Variants in GPC3 observed in about 807,000 individuals in gnomAD.
GPC3 encodes the protein glypican 3.
A neutral mutation model predicts 34.4 loss-of-function variants in GPC3; 3 were observed. The observed-to-expected ratio is 0.09, with a 90% CI of 0.04 to 0.23. The LOEUF is 0.23. GPC3 is among the 10% of genes least tolerant of loss of function. GPC3 has a pLI of 1.00. For missense variants in GPC3, 351 were observed against 445.6 expected, an observed-to-expected ratio of 0.79 and a Z score of 1.91; for synonymous variants, 177 against 174.0, an observed-to-expected ratio of 1.02 and a Z score of -0.13.
intron 2 of GPC3, among the ~76,000 whole-genome samples, chrX:133,923,449 A>AC (rs1390588256): frequency 9.0e-6 from 1 of 110,645 alleles, no homozygotes; most frequent in African/African-American, 3.3e-5. Flanking sequence ...TCCCCACCCC[A>AC]CCCCCATCCT....
At chrX:133,908,423 A>T (rs1439794688) in intron 2 of GPC3, among the ~76,000 whole-genome samples, 1 of 111,096 alleles carries the variant, frequency 9.0e-6, no homozygotes, top group Non-Finnish European at 1.9e-5. Context: ...CCCTGCCCTA[A>T]CAAAGTCCTT....
At chrX:133,854,095 T>C (rs918950956) in intron 2 of GPC3, among the ~76,000 whole-genome samples, 10 of 111,948 alleles carry the variant, frequency 8.9e-5, no homozygotes, top group Non-Finnish European at 1.9e-4. Flanking sequence ...TTTTCCTTTG[T>C]AGCCATTTGC....
At chrX:133,783,515 G>A (rs1411037111) in intron 2 of GPC3, among the ~76,000 whole-genome samples, 1 of 112,075 alleles carries the variant, frequency 8.9e-6, no homozygotes, top group East Asian at 2.8e-4. Flanking sequence ...TGAGCAAGAA[G>A]GCTTTTGAAC....
chrX:133,935,049 A>G (rs2076317649), intron 2 of GPC3, among the ~76,000 whole-genome samples: 1 of 111,861 alleles, frequency 8.9e-6, no homozygotes, highest in Admixed American at 9.5e-5. Context: ...TTAATTAGCC[A>G]TGACTCAACT....
intron 7 of GPC3, among the ~76,000 whole-genome samples, chrX:133,583,119 T>C (rs760366823): frequency 4.6e-4 from 52 of 111,876 alleles, no homozygotes; most frequent in Non-Finnish European, 9.0e-4. Flanking sequence ...CATGTGCTCA[T>C]AGACAAACAA....
intron 6 of GPC3, among the ~76,000 whole-genome samples, chrX:133,644,314 A>C (rs945202150): frequency 1.8e-5 from 2 of 111,406 alleles, no homozygotes; most frequent in African/African-American, 6.5e-5. Flanking sequence ...ATAAAAAAGA[A>C]ATCATAAATT....
At chrX:133,811,746 CA>C (rs995617813) in intron 2 of GPC3, among the ~76,000 whole-genome samples, 5 of 111,806 alleles carry the variant, frequency 4.5e-5, no homozygotes, top group African/African-American at 1.6e-4. Flanking sequence ...GCCACATAAT[CA>C]ACAAAGCTGC....
rs189776923 is a variant in GPC3 at position 133,617,111 on chromosome X, T to G, written c.1414-20512A>C. ...ACGAACTTAAAGTATCTCTCTTAAATGGGCCAAGAAGCAATTCTATGACAA... is the reference window on the plus strand; with the variant it reads ...ACGAACTTAAAGTATCTCTCTTAAAGGGGCCAAGAAGCAATTCTATGACAA... On this transcript the variant is annotated intron_variant, in intron 6 of 7. Coordinates refer to ENST00000370818, the MANE Select transcript of GPC3 (RefSeq NM_004484.4). Among the ~76,000 whole-genome samples, 319 of 111,875 alleles carry G rather than the reference T, an allele frequency of 2.9e-3. 1 individual carries two copies. The highest frequency in any genetic ancestry group is 9.8e-3 in the African/African-American group (301 of 30,858).
chrX:133,719,320 C>A (rs1470146929), intron 3 of GPC3, among the ~76,000 whole-genome samples: 9 of 111,797 alleles, frequency 8.1e-5, no homozygotes, highest in African/African-American at 2.9e-4. Flanking sequence ...AACATACATA[C>A]TCCTAAATAA....
chrX:133,860,764 C>T (rs1219384109), intron 2 of GPC3, among the ~76,000 whole-genome samples: 1 of 111,343 alleles, frequency 9.0e-6, no homozygotes, highest in East Asian at 2.8e-4. Context: ...TGAGGAGTAT[C>T]TCAACCATCA....
chrX:133,784,526 G>T (rs952610750), intron 2 of GPC3, among the ~76,000 whole-genome samples: 5 of 111,392 alleles, frequency 4.5e-5, no homozygotes, highest in African/African-American at 1.6e-4. Flanking sequence ...AAGGTCACAG[G>T]CCACTAATGG....
At chrX:133,689,449 G>A (rs2071040849) in intron 5 of GPC3, among the ~76,000 whole-genome samples, 1 of 111,171 alleles carries the variant, frequency 9.0e-6, no homozygotes, top group South Asian at 3.8e-4. Flanking sequence ...TTGGTTCCAG[G>A]GCATCATTCT....
At chrX:133,700,405 G>A (rs778140545) in intron 3 of GPC3, among the ~76,000 whole-genome samples, 2 of 112,061 alleles carry the variant, frequency 1.8e-5, no homozygotes, top group East Asian at 5.6e-4. Context: ...AATTTAGGAA[G>A]AACTGGTGCA....
intron 2 of GPC3, among the ~76,000 whole-genome samples, chrX:133,842,998 A>C (rs184901246): frequency 9.0e-6 from 1 of 111,436 alleles, no homozygotes. Context: ...GGGAAAAATC[A>C]GTTGCCAGGC....
chrX:133,631,651 T>G (rs760814153), intron 6 of GPC3, among the ~76,000 whole-genome samples: 27 of 111,603 alleles, frequency 2.4e-4, no homozygotes, highest in Non-Finnish European at 5.1e-4. Flanking sequence ...TGCTGGATCA[T>G]ATGATAATTC....
intron 7 of GPC3, among the ~76,000 whole-genome samples, chrX:133,579,642 C>T (rs1295698404): frequency 1.8e-5 from 2 of 111,878 alleles, no homozygotes; most frequent in Non-Finnish European, 3.8e-5. Context: ...CTCCTGGGCT[C>T]AAGCGATCCT....
intron 7 of GPC3, among the ~76,000 whole-genome samples, chrX:133,581,302 AC>A (rs1477930893): frequency 1.8e-5 from 2 of 112,719 alleles, no homozygotes; most frequent in East Asian, 5.6e-4. Flanking sequence ...AGTCAGTATC[AC>A]TGAAAATGAG....
chrX:133,917,326 C>G (rs1423538961), intron 2 of GPC3, among the ~76,000 whole-genome samples: 1 of 111,925 alleles, frequency 8.9e-6, no homozygotes, highest in Non-Finnish European at 1.9e-5. Flanking sequence ...TGGAGGCAGG[C>G]AAATGCCTGA....
intron 2 of GPC3, among the ~76,000 whole-genome samples, chrX:133,778,423 TAC>T (rs2072010851): frequency 8.9e-6 from 1 of 112,054 alleles, no homozygotes; most frequent in East Asian, 2.8e-4. Flanking sequence ...AATAGATTCT[TAC>T]AAAGAATTTT....
Sources: gnomAD v4.1 joint callset for allele counts (sites outside exome capture counted in the v4.1 genomes callset) on GRCh38, gnomAD v4.1.1 for gene constraint, MANE v1.5 for transcripts, NCBI Gene and HGNC (gene_info 2026-07-23, HGNC 2026-07-21) for gene names.